The following KCNK9 variants were observed in gnomAD, a reference collection of about 807,000 sequenced individuals.
KCNK9 encodes potassium two pore domain channel subfamily K member 9.
In KCNK9, 1 loss-of-function variant was observed where a neutral mutation model predicts 10.8. That is an observed-to-expected ratio of 0.09 (90% CI 0.03 to 0.44). The LOEUF is 0.44. Among genes scored for constraint, KCNK9 ranks in the 20% least tolerant of loss-of-function variants. The pLI, the probability that KCNK9 is intolerant of heterozygous loss-of-function variation, is 0.97. For synonymous variants in KCNK9, 231 were observed against 222.7 expected (o/e 1.04, Z -0.33); for missense variants, 303 against 515.0 (o/e 0.59, Z 3.98).
chr8:139,701,436 C>G (rs1817216938), intron 1 of KCNK9, among the ~76,000 whole-genome samples: 1 of 151,504 alleles, frequency 6.6e-6, no homozygotes, highest in Non-Finnish European at 1.5e-5. Context: ...ACTGAGAAAT[C>G]CTTTTTTTTT....
chr8:139,614,812 T>C (rs951957471), downstream of KCNK9, among the ~76,000 whole-genome samples: 1 of 152,238 alleles, frequency 6.6e-6, no homozygotes, highest in Non-Finnish European at 1.5e-5. Flanking sequence ...CTAAGAGTGC[T>C]CAATCTTCAT....
chr8:139,638,528 C>T (rs1815403290), intron 1 of KCNK9, among the ~76,000 whole-genome samples: 1 of 152,224 alleles, frequency 6.6e-6, no homozygotes, highest in South Asian at 2.1e-4. Flanking sequence ...CAAACCAGAG[C>T]AGGAAACAGG....
At chr8:139,694,611 A>G (rs80027919) in intron 1 of KCNK9, among the ~76,000 whole-genome samples, 2,300 of 152,306 alleles carry the variant, frequency 0.015, 59 homozygotes, top group African/African-American at 0.051. Flanking sequence ...ATGGCTGGCC[A>G]TGCGTAGGGT....
intron 1 of KCNK9, among the ~76,000 whole-genome samples, chr8:139,639,917 G>C (rs997633073): frequency 6.6e-5 from 10 of 151,940 alleles, no homozygotes; most frequent in African/African-American, 1.9e-4. Flanking sequence ...AAGGACCCTA[G>C]CTCTGCCCCA....
chr8:139,651,293 G>A (rs1466606785), intron 1 of KCNK9, among the ~76,000 whole-genome samples: 2 of 152,166 alleles, frequency 1.3e-5, no homozygotes, highest in African/African-American at 4.8e-5. Flanking sequence ...CACCTGTGGG[G>A]GTCCCCCTGC....
chr8:139,623,083 C>T (rs1445725890), intron 1 of KCNK9, among the ~76,000 whole-genome samples: 5 of 152,148 alleles, frequency 3.3e-5, no homozygotes, highest in Admixed American at 1.3e-4. Flanking sequence ...GCAGACTGCA[C>T]GTTTTAGTAG....
rs112301343 is a variant in KCNK9, at chr8:139,623,309, G to A, written c.284-4210C>T. On this transcript the variant is annotated intron_variant, in intron 1 of 1. Transcript: ENST00000520439. ...AAATGAACATATCCCAGCATCACCCGCCCAGGGGTCAGAAGATATATTCAT... is the reference window on the plus strand; with the variant it reads ...AAATGAACATATCCCAGCATCACCCACCCAGGGGTCAGAAGATATATTCAT... 8.1e-3 allele frequency among the ~76,000 whole-genome samples: 1,230 copies of A among 152,176 alleles called. 17 individuals are homozygous for A. Among genetic ancestry groups the A allele is most frequent in the African/African-American group, 0.028 (1,182 of 41,504 alleles).
intron 1 of KCNK9, among the ~76,000 whole-genome samples, chr8:139,632,476 T>G (rs1018625040): frequency 2.0e-5 from 3 of 152,126 alleles, no homozygotes; most frequent in African/African-American, 7.2e-5. Flanking sequence ...ACAGACAGTG[T>G]CTACCCACAT....
chr8:139,626,858 C>A (rs984363174), intron 1 of KCNK9, among the ~76,000 whole-genome samples: 1 of 152,220 alleles, frequency 6.6e-6, no homozygotes, highest in African/African-American at 2.4e-5. Context: ...GGAGGAGGAG[C>A]AGGCTGGAGA....
chr8:139,608,828 G>C (rs1342975009), downstream of KCNK9, among the ~76,000 whole-genome samples: 1 of 152,202 alleles, frequency 6.6e-6, no homozygotes, highest in Non-Finnish European at 1.5e-5. Flanking sequence ...ACAATCAAAG[G>C]CTTCATCTGA....
intron 1 of KCNK9, among the ~76,000 whole-genome samples, chr8:139,660,722 G>C (rs114363466): frequency 6.6e-6 from 1 of 152,070 alleles, no homozygotes; most frequent in Non-Finnish European, 1.5e-5. Context: ...ATGCATACTG[G>C]CTGTCATTAA....
intron 1 of KCNK9, among the ~76,000 whole-genome samples, chr8:139,679,334 A>G (rs1163916940): frequency 1.3e-5 from 2 of 152,198 alleles, no homozygotes; most frequent in African/African-American, 4.8e-5. Context: ...TGGCAGGTGA[A>G]AGGCACTCCC....
chr8:139,689,448 C>G (rs1488503650), intron 1 of KCNK9, among the ~76,000 whole-genome samples: 1 of 152,148 alleles, frequency 6.6e-6, no homozygotes, highest in East Asian at 1.9e-4. Flanking sequence ...GAGGCATGGT[C>G]AGATGGCAGG....
rs1380086135 is a variant in KCNK9, at chr8:139,687,461, C to CATATATGTGTGTATACAT, written c.283+15248_283+15249insATGTATACACACATATAT. 2.2e-5 allele frequency among the ~76,000 whole-genome samples: 3 copies of CATATATGTGTGTATACAT among 133,788 alleles called. 1 individual carries two copies. Among genetic ancestry groups the CATATATGTGTGTATACAT allele is most frequent in the Non-Finnish European group, 4.8e-5 (3 of 63,084 alleles). 87.8% of individuals were successfully genotyped at this position (133,788 alleles called of 152,430 possible). A position where few individuals can be genotyped will look rare whatever the true frequency, so the allele number is the denominator to read the frequency against. Reference sequence around the variant, plus strand: ...ATATATATGTATACACATATATATTCATATATTCATATATATGTATACATA... The same window carrying CATATATGTGTGTATACAT: ...ATATATATGTATACACATATATATTCATATATGTGTGTATACATATATATTCATATATATGTATACATA... On this transcript the variant is annotated intron_variant, in intron 1 of 1. Transcript: ENST00000520439.
chr8:139,644,716 C>CCG (rs1491394047), intron 1 of KCNK9, among the ~76,000 whole-genome samples: 1 of 38,100 alleles, frequency 2.6e-5, no homozygotes, highest in Non-Finnish European at 4.7e-5. Flanking sequence ...CCTGCCCTGT[C>CCG]CCCCCCCCCC....
chr8:139,621,590 A>G (rs1038870292), intron 1 of KCNK9, among the ~76,000 whole-genome samples: 5 of 152,246 alleles, frequency 3.3e-5, no homozygotes, highest in East Asian at 1.9e-4. Context: ...ATTATCCTTC[A>G]AGAAAGGCAA....
chr8:139,678,005 G>A (rs1276800410), intron 1 of KCNK9, among the ~76,000 whole-genome samples: 1 of 150,804 alleles, frequency 6.6e-6, no homozygotes, highest in African/African-American at 2.5e-5. Context: ...GGTCCCCACG[G>A]CTGCAGAGTA....
At chr8:139,614,295 A>G (rs924472877), downstream of KCNK9, among the ~76,000 whole-genome samples, 4 of 152,140 alleles carry the variant, frequency 2.6e-5, no homozygotes, top group African/African-American at 9.7e-5. Context: ...AGATTCATCA[A>G]TCTCCCTCCC....
At chr8:139,634,207 G>A (rs6993593) in intron 1 of KCNK9, among the ~76,000 whole-genome samples, 156 of 152,342 alleles carry the variant, frequency 1.0e-3, no homozygotes, top group African/African-American at 3.5e-3. Context: ...CAGGGACCAG[G>A]TAAGTGCCAC....
Sources: allele counts gnomAD v4.1 joint callset (sites outside exome capture counted in the v4.1 genomes callset), GRCh38; gene constraint gnomAD v4.1.1; transcripts MANE v1.5; gene names NCBI Gene and HGNC (gene_info 2026-07-23, HGNC 2026-07-21).